The following GMDS variants were observed in gnomAD, a reference collection of about 807,000 sequenced individuals.
The protein encoded by GMDS is GDP-mannose 4,6-dehydratase.
A neutral mutation model predicts 49.9 loss-of-function variants in GMDS; 20 were observed. That is an observed-to-expected ratio of 0.40 (90% CI 0.28 to 0.58). The LOEUF (loss-of-function observed/expected upper bound fraction) is 0.58. GMDS is among the 20% of genes least tolerant of loss of function. The pLI is 0.42. For missense variants in GMDS, 362 were observed against 481.4 expected, an observed-to-expected ratio of 0.75 and a Z score of 2.32; for synonymous variants, 177 against 178.6, an observed-to-expected ratio of 0.99 and a Z score of 0.07.
At chr6:2,059,909 C>G (rs1012298926) in intron 4 of GMDS, among the ~76,000 whole-genome samples, 3 of 151,818 alleles carry the variant, frequency 2.0e-5, no homozygotes, top group African/African-American at 7.3e-5. Context: ...CTGCCCCATT[C>G]TCAACATTGG....
intron 4 of GMDS, among the ~76,000 whole-genome samples, chr6:2,044,290 T>C (rs1267570869): frequency 1.3e-5 from 2 of 152,202 alleles, no homozygotes; most frequent in Admixed American, 6.5e-5. Context: ...CTATTCGCAA[T>C]AGAAGACATG....
intron 7 of GMDS, among the ~76,000 whole-genome samples, chr6:1,791,486 C>A (rs1045634564): frequency 6.6e-6 from 1 of 152,120 alleles, no homozygotes; most frequent in East Asian, 1.9e-4. Flanking sequence ...CATTATGAAG[C>A]CCTGGCCTCT....
At chr6:2,209,530 C>T (rs1581799859) in intron 1 of GMDS, among the ~76,000 whole-genome samples, 3 of 151,406 alleles carry the variant, frequency 2.0e-5, no homozygotes, top group African/African-American at 7.3e-5. Context: ...TCAAACCTTG[C>T]ATGTAATGTA....
chr6:1,674,900 T>G (rs1180491767), intron 9 of GMDS, among the ~76,000 whole-genome samples: 2 of 152,036 alleles, frequency 1.3e-5, no homozygotes, highest in South Asian at 2.1e-4. Flanking sequence ...ATTTCTTTTT[T>G]GGGGGTGTTA....
chr6:1,653,790 A>C (rs1469656061), intron 9 of GMDS, among the ~76,000 whole-genome samples: 1 of 152,226 alleles, frequency 6.6e-6, no homozygotes, highest in Non-Finnish European at 1.5e-5. Flanking sequence ...ATCGTACATA[A>C]AAGTCACCTC....
chr6:1,904,566 C>T (rs185108974), intron 7 of GMDS, among the ~76,000 whole-genome samples: 7 of 152,336 alleles, frequency 4.6e-5, no homozygotes, highest in East Asian at 1.9e-4. Flanking sequence ...GTTTCCTTTC[C>T]GGCCAGGCTT....
At chr6:2,178,316 G>T (rs955803793) in intron 1 of GMDS, among the ~76,000 whole-genome samples, 1 of 152,132 alleles carries the variant, frequency 6.6e-6, no homozygotes, top group Non-Finnish European at 1.5e-5. Context: ...CTTGGCTTCT[G>T]GGGAGGCCTC....
At chr6:1,732,024 A>G (rs763611465) in intron 8 of GMDS, among the ~76,000 whole-genome samples, 10 of 152,234 alleles carry the variant, frequency 6.6e-5, no homozygotes, top group Admixed American at 1.3e-4. Context: ...ACAAATGACA[A>G]TTGTACATAG....
chr6:1,675,913 A>C (rs1487376348), intron 9 of GMDS, among the ~76,000 whole-genome samples: 1 of 152,030 alleles, frequency 6.6e-6, no homozygotes, highest in Admixed American at 6.6e-5. Flanking sequence ...ACAAACTACC[A>C]TCAGAGAATA....
chr6:1,660,973 A>G (rs150208873), intron 9 of GMDS, among the ~76,000 whole-genome samples: 168 of 151,882 alleles, frequency 1.1e-3, no homozygotes, highest in Non-Finnish European at 2.1e-3. Flanking sequence ...TGGCCCAAGC[A>G]GATCACAAGT....
Position 1,838,474 on chromosome 6 carries a change from T to C in GMDS, c.771+91629A>G, listed in dbSNP as rs927593388. 3.9e-5 allele frequency among the ~76,000 whole-genome samples: 6 copies of C among 152,338 alleles called. No individual in the cohort carries two copies. The South Asian group carries it at 1.0e-3, about 26-fold the overall frequency. Reference sequence around the variant, plus strand: ...GCAGAAGTTGGAGTATCAGGGATGATGAGGTTTTCTATAAAGGCTTTGGCT... The same window carrying C: ...GCAGAAGTTGGAGTATCAGGGATGACGAGGTTTTCTATAAAGGCTTTGGCT... On this transcript the variant is annotated intron_variant, in intron 7 of 10. Coordinates refer to ENST00000380815, the MANE Select transcript of GMDS (RefSeq NM_001500.4).
intron 2 of GMDS, among the ~76,000 whole-genome samples, chr6:2,123,210 C>T (rs1489012861): frequency 1.3e-5 from 2 of 152,172 alleles, no homozygotes; most frequent in Non-Finnish European, 2.9e-5. Context: ...TCACTGGGTC[C>T]ACCATCACTG....
intron 1 of GMDS, among the ~76,000 whole-genome samples, chr6:2,143,849 C>T (rs1375757877): frequency 6.6e-6 from 1 of 152,160 alleles, no homozygotes; most frequent in Non-Finnish European, 1.5e-5. Context: ...CAAATAAAAA[C>T]AAACATCTTC....
intron 1 of GMDS, among the ~76,000 whole-genome samples, chr6:2,160,958 C>T (rs17134732): frequency 6.6e-6 from 1 of 152,098 alleles, no homozygotes; most frequent in African/African-American, 2.4e-5. Flanking sequence ...AATGACCATA[C>T]CCTGAAGCTC....
chr6:1,874,646 G>A (rs1326905889), intron 7 of GMDS, among the ~76,000 whole-genome samples: 4 of 152,138 alleles, frequency 2.6e-5, no homozygotes. Flanking sequence ...TAGGAAGCTA[G>A]GGGAAGCATG....
chr6:1,802,737 C>A (rs896261150), intron 7 of GMDS, among the ~76,000 whole-genome samples: 1 of 152,214 alleles, frequency 6.6e-6, no homozygotes, highest in South Asian at 2.1e-4. Flanking sequence ...TTACTGTTAC[C>A]TTTTTCCCCC....
At position 1,800,611 on chromosome 6, in the gene GMDS, TTTTCTTTTTC is replaced by T. The variant is rs1238534360; in HGVS notation, c.772-58035_772-58026del. 7.1e-4 allele frequency among the ~76,000 whole-genome samples: 108 copies of T among 151,532 alleles called. 1 individual carries two copies. The highest frequency in any genetic ancestry group is 2.0e-3 in the African/African-American group (83 of 41,242). The stretch of plus-strand genomic sequence containing the variant: ...GCCACCATGCCCAATTAATTTTTCT[TTTTCTTTTTC>T]TTTCTTTCTTTTTTTTTTTTTAAGC... On this transcript the variant is annotated intron_variant, in intron 7 of 10. Coordinates refer to ENST00000380815, the MANE Select transcript of GMDS (RefSeq NM_001500.4).
chr6:1,765,727 G>C (rs1561790727), intron 7 of GMDS, among the ~76,000 whole-genome samples: 1 of 152,170 alleles, frequency 6.6e-6, no homozygotes, highest in Non-Finnish European at 1.5e-5. Flanking sequence ...CAGAAGCTTA[G>C]TTTTGATAAG....
At chr6:1,714,314 G>A (rs769461380) in intron 9 of GMDS, among the ~76,000 whole-genome samples, 10 of 151,812 alleles carry the variant, frequency 6.6e-5, no homozygotes, top group African/African-American at 1.5e-4. Flanking sequence ...CACTGTGCCC[G>A]GCCTCACTTT....
Sources: allele counts gnomAD v4.1 joint callset (sites outside exome capture counted in the v4.1 genomes callset), GRCh38; gene constraint gnomAD v4.1.1; transcripts MANE v1.5; gene names NCBI Gene and HGNC (gene_info 2026-07-23, HGNC 2026-07-21).